Variants in MSRA observed in about 807,000 individuals in gnomAD.
The protein encoded by MSRA is mitochondrial peptide methionine sulfoxide reductase.
Under a neutral mutation model 31.3 loss-of-function variants are expected in MSRA, and 54 were observed. The ratio of observed to expected loss-of-function variants is 1.73; its 90% CI spans 1.39 to 2.17. The LOEUF is 2.17. Ranked by LOEUF, MSRA falls within the 30% of genes most tolerant of loss-of-function variation. The pLI, the probability that MSRA is intolerant of heterozygous loss-of-function variation, is 0.00. For missense variants in MSRA, 507 were observed against 300.9 expected (o/e 1.69, Z -5.07); for synonymous variants, 169 against 116.5 (o/e 1.45, Z -2.90).
intron 5 of MSRA, among the ~76,000 whole-genome samples, chr8:10,359,334 C>G (rs1418370102): frequency 6.6e-6 from 1 of 152,102 alleles, no homozygotes; most frequent in Non-Finnish European, 1.5e-5. Flanking sequence ...CTCCCATTTC[C>G]TTTACACAGC....
chr8:10,270,143 G>A (rs374403057), intron 3 of MSRA, among the ~76,000 whole-genome samples: 3 of 152,296 alleles, frequency 2.0e-5, no homozygotes, highest in African/African-American at 7.2e-5. Context: ...TTTCACATGG[G>A]AGCTTTGGTC....
At chr8:10,211,736 T>C (rs974594326) in intron 2 of MSRA, among the ~76,000 whole-genome samples, 1 of 152,126 alleles carries the variant, frequency 6.6e-6, no homozygotes, top group Non-Finnish European at 1.5e-5. Context: ...TTTGCCACCC[T>C]GCTGGGCCTG....
chr8:10,238,122 A>T (rs927882009), intron 2 of MSRA, among the ~76,000 whole-genome samples: 6 of 152,112 alleles, frequency 3.9e-5, no homozygotes, highest in Admixed American at 1.3e-4. Context: ...ATTCCACTCA[A>T]GCCACACTGG....
chr8:10,404,270 C>T (rs1261050729), intron 5 of MSRA, among the ~76,000 whole-genome samples: 1 of 152,110 alleles, frequency 6.6e-6, no homozygotes, highest in Admixed American at 6.5e-5. Context: ...GGCATCTGGG[C>T]TCCCACCTCC....
intron 1 of MSRA, among the ~76,000 whole-genome samples, chr8:10,198,409 T>G (rs557220218): frequency 2.0e-5 from 3 of 152,166 alleles, no homozygotes; most frequent in African/African-American, 7.2e-5. Flanking sequence ...ATGGTCATAC[T>G]TTAAAAGTTA....
chr8:10,298,039 C>T (rs79117023), intron 3 of MSRA, among the ~76,000 whole-genome samples: 3 of 152,156 alleles, frequency 2.0e-5, no homozygotes, highest in African/African-American at 4.8e-5. Flanking sequence ...CCGGTTGAAA[C>T]CTGGTTCGCG....
chr8:10,391,450 G>A (rs1806741277), intron 5 of MSRA, among the ~76,000 whole-genome samples: 2 of 152,022 alleles, frequency 1.3e-5, no homozygotes, highest in Admixed American at 6.5e-5. Context: ...GCTGTGGTGA[G>A]TATCTGTGGC....
intron 2 of MSRA, among the ~76,000 whole-genome samples, chr8:10,209,931 T>C (rs996638649): frequency 1.3e-5 from 2 of 152,252 alleles, no homozygotes; most frequent in African/African-American, 2.4e-5. Context: ...ATTCTTACTT[T>C]AGAAGTGCAG....
At chr8:10,335,382 C>T (rs534376765) in intron 5 of MSRA, among the ~76,000 whole-genome samples, 2 of 151,142 alleles carry the variant, frequency 1.3e-5, no homozygotes. Context: ...CTTGGCCATG[C>T]CCCGTGGCTC....
chr8:10,343,402 C>T (rs977701198), intron 5 of MSRA, among the ~76,000 whole-genome samples: 4 of 152,156 alleles, frequency 2.6e-5, no homozygotes, highest in Non-Finnish European at 5.9e-5. Flanking sequence ...CATAATGAAG[C>T]GGTGAATAGT....
intron 1 of MSRA, among the ~76,000 whole-genome samples, chr8:10,188,558 G>A (rs1473202391): frequency 2.0e-5 from 3 of 152,168 alleles, no homozygotes; most frequent in South Asian, 2.1e-4. Context: ...TTATAGCTAC[G>A]ATCCATTTAA....
chr8:10,384,353 T>C (rs1003851813), intron 5 of MSRA, among the ~76,000 whole-genome samples: 2 of 152,186 alleles, frequency 1.3e-5, no homozygotes, highest in African/African-American at 4.8e-5. Flanking sequence ...AAGCCAGAGC[T>C]CCTGCCTTTG....
At chr8:10,183,656 T>C (rs567102838) in intron 1 of MSRA, among the ~76,000 whole-genome samples, 4 of 152,280 alleles carry the variant, frequency 2.6e-5, no homozygotes, top group South Asian at 4.2e-4. Flanking sequence ...CCCCACACTT[T>C]CTTTTTTCAA....
chr8:10,180,883 T>A (rs1001804045), intron 1 of MSRA, among the ~76,000 whole-genome samples: 9 of 152,218 alleles, frequency 5.9e-5, no homozygotes, highest in Non-Finnish European at 1.3e-4. Flanking sequence ...CTTCACTACT[T>A]CCAAATGTTG....
chr8:10,089,998 G>A (rs368455007), intron 1 of MSRA, among the ~76,000 whole-genome samples: 1 of 152,192 alleles, frequency 6.6e-6, no homozygotes, highest in African/African-American at 2.4e-5. Context: ...ATGAGACTTG[G>A]TGGGGACAAG....
intron 1 of MSRA, chr8:10,096,299 T>C (rs1799152453): frequency 1.8e-6 from 2 of 1,122,086 alleles, no homozygotes; most frequent in Non-Finnish European, 2.2e-6. Flanking sequence ...CAGACTTCGC[T>C]TGAAGGGCAA....
intron 1 of MSRA, among the ~76,000 whole-genome samples, chr8:10,130,580 A>G (rs1801824786): frequency 6.6e-6 from 1 of 152,168 alleles, no homozygotes; most frequent in Admixed American, 6.5e-5. Context: ...TGGACAAGAC[A>G]TTTCGACGGA....
At chr8:10,082,859 A>G (rs1405069770) in intron 1 of MSRA, among the ~76,000 whole-genome samples, 1 of 152,254 alleles carries the variant, frequency 6.6e-6, no homozygotes, top group African/African-American at 2.4e-5. Flanking sequence ...AAGTGCCGTG[A>G]ACAGAGTAGG....
chr8:10,382,365 A>G (rs746252482), intron 5 of MSRA, among the ~76,000 whole-genome samples: 3 of 152,116 alleles, frequency 2.0e-5, no homozygotes, highest in East Asian at 1.9e-4. Flanking sequence ...CATGGTCTTC[A>G]TCTCCCAACC....
Sources: allele counts gnomAD v4.1 joint callset (sites outside exome capture counted in the v4.1 genomes callset), GRCh38; gene constraint gnomAD v4.1.1; transcripts MANE v1.5; gene names NCBI Gene and HGNC (gene_info 2026-07-23, HGNC 2026-07-21).